ATP13A4: variants seen among roughly 807,000 people sequenced by gnomAD.
The protein encoded by ATP13A4 is probable cation-transporting ATPase 13A4.
In ATP13A4, 114 loss-of-function variants were observed where a neutral mutation model predicts 142.5. The ratio of observed to expected loss-of-function variants is 0.80; its 90% confidence interval spans 0.69 to 0.93. The LOEUF is 0.93. Among genes scored for constraint, ATP13A4 ranks in the 40% least tolerant of loss-of-function variants. The pLI, the probability that ATP13A4 is intolerant of heterozygous loss-of-function variation, is 0.00. For missense variants in ATP13A4, 1,392 were observed against 1,454.0 expected (o/e 0.96, Z 0.69); for synonymous variants, 488 against 514.8 (o/e 0.95, Z 0.70).
In ATP13A4 at chr3:193,418,070, C is replaced by T. The variant is rs865822448; in HGVS notation, c.2843-3320G>A. Among the ~76,000 whole-genome samples the T allele has an allele frequency of 2.9e-3, 323 of 112,306 alleles. 6 individuals are homozygous for T. Among genetic ancestry groups the T allele is most frequent in the Non-Finnish European group, 3.9e-3 (232 of 59,196 alleles). 73.7% of individuals were successfully genotyped at this position (112,306 alleles called of 152,430 possible). On this transcript the variant is annotated intron_variant, in intron 25 of 29. Transcript: ENST00000342695. ...CCGGGAGGCAGAGCTTGCAGTGAGC[C>T]GAGATCCCGCCACTGCACTCCAGCC... is the stretch of plus-strand genomic sequence containing the variant.
At chr3:193,585,178 G>A (rs1348821701) in intron 1 of ATP13A4, among the ~76,000 whole-genome samples, 1 of 152,170 alleles carries the variant, frequency 6.6e-6, no homozygotes, top group Non-Finnish European at 1.5e-5. Flanking sequence ...AGCACTTTGG[G>A]AGGCAAAGGT....
At chr3:193,417,801 G>C (rs964830161) in intron 25 of ATP13A4, among the ~76,000 whole-genome samples, 12 of 145,304 alleles carry the variant, frequency 8.3e-5, no homozygotes, top group Admixed American at 1.4e-4. Context: ...CTGGCTAACA[G>C]AGTGAAACCC....
intron 22 of ATP13A4, 139 bp downstream of exon 22, chr3:193,438,884 T>G: frequency 1.1e-6 from 1 of 943,876 alleles, no homozygotes; most frequent in Non-Finnish European, 1.7e-6. Flanking sequence ...GTAAATGGTA[T>G]ATATGCCAGG....
At chr3:193,459,740 A>C (rs2108638050) in intron 13 of ATP13A4, among the ~76,000 whole-genome samples, 1 of 152,326 alleles carries the variant, frequency 6.6e-6, no homozygotes, top group African/African-American at 2.4e-5. Context: ...TGCCCGGCTA[A>C]AAACATTTTT....
chr3:193,469,925 A>T (rs543876520), intron 9 of ATP13A4, among the ~76,000 whole-genome samples: 3 of 152,332 alleles, frequency 2.0e-5, no homozygotes, highest in Non-Finnish European at 2.9e-5. Context: ...GATTTTTATG[A>T]ATCTATGGGA....
At chr3:193,583,536 G>T (rs1489652283) in intron 1 of ATP13A4, among the ~76,000 whole-genome samples, 3 of 152,098 alleles carry the variant, frequency 2.0e-5, no homozygotes, top group Admixed American at 2.0e-4. Context: ...GATCTCATAT[G>T]CAGAGATGTA....
At chr3:193,480,541 T>C (rs146108055) in intron 8 of ATP13A4, among the ~76,000 whole-genome samples, 3,555 of 152,278 alleles carry the variant, frequency 0.023, 55 homozygotes, top group Middle Eastern at 0.034. Context: ...TCAGCATCAC[T>C]AATGATCAGG....
chr3:193,534,893 A>G (rs949141861), intron 1 of ATP13A4, among the ~76,000 whole-genome samples: 21 of 152,278 alleles, frequency 1.4e-4, no homozygotes, highest in African/African-American at 3.8e-4. Flanking sequence ...CCCAAACAGA[A>G]CAAACCTAAA....
chr3:193,452,648 C>G (rs1298893329), intron 17 of ATP13A4, among the ~76,000 whole-genome samples: 1 of 147,210 alleles, frequency 6.8e-6, no homozygotes, highest in African/African-American at 2.5e-5. Context: ...TCCTGCATCA[C>G]ACATGTCTTT....
rs1717692671 is a variant in ATP13A4, at chr3:193,457,424, C to A, written c.1716G>T (p.Val572=). Residue 572 remains valine (V), a synonymous_variant, in exon 15 of 30, where the codon GTG becomes GTT. Coordinates refer to ENST00000342695, the MANE Select transcript of ATP13A4 (RefSeq NM_032279.4). The stretch of plus-strand genomic sequence containing the variant: ...GCTTAACTACCATGGCATGTGCCGG[C>A]ACTCCCTTGATGTGGAAATCGTCCC... ...FSGDDFHIKG[V]PAHAMVVKPC... 6.2e-7 allele frequency: 1 copy of A among 1,614,190 alleles called. No individual in the cohort carries two copies. The highest frequency in any genetic ancestry group is 8.5e-7 in the Non-Finnish European group (1 of 1,180,020).
chr3:193,527,827 C>T (rs538996394), intron 1 of ATP13A4, among the ~76,000 whole-genome samples: 2 of 152,136 alleles, frequency 1.3e-5, no homozygotes, highest in South Asian at 4.2e-4. Context: ...ACTAATACAC[C>T]CTGTCTGGGC....
intron 26 of ATP13A4, 121 bp from the exon 27 acceptor site, chr3:193,412,492 C>A: frequency 3.0e-5 from 20 of 674,850 alleles, no homozygotes; most frequent in Middle Eastern, 4.4e-4. Context: ...TCTACAATTG[C>A]CTGTGCTTTG....
At chr3:193,420,921 C>T (rs936669044) in intron 25 of ATP13A4, among the ~76,000 whole-genome samples, 1 of 149,542 alleles carries the variant, frequency 6.7e-6, no homozygotes, top group Non-Finnish European at 1.5e-5. Context: ...ACTTACGAAA[C>T]ACCAGGAAAT....
At chr3:193,426,194 A>C (rs1715652303) in intron 25 of ATP13A4, among the ~76,000 whole-genome samples, 1 of 151,846 alleles carries the variant, frequency 6.6e-6, no homozygotes, top group Non-Finnish European at 1.5e-5. Flanking sequence ...GATCAACACA[A>C]AAACAATCAT....
chr3:193,414,079 A>G (rs1296947140), intron 26 of ATP13A4, among the ~76,000 whole-genome samples: 1 of 152,084 alleles, frequency 6.6e-6, no homozygotes, highest in South Asian at 2.1e-4. Flanking sequence ...CTTTCTCTTT[A>G]TTTCTCAGCC....
In ATP13A4 at chr3:193,407,340, C is replaced by A; in HGVS notation, c.3351G>T (p.Leu1117Phe). The A allele has an allele frequency of 6.2e-7, 1 of 1,613,538 alleles. No homozygotes were observed. Among genetic ancestry groups the A allele is most frequent in the Non-Finnish European group, 8.5e-7 (1 of 1,179,642 alleles). Residue 1117 changes from leucine to phenylalanine, a missense_variant, in exon 29 of 30, where the codon TTG becomes TTT. Physicochemically the swap from Leu to Phe is conservative, Grantham distance 22 (BLOSUM62 0). Transcript: ENST00000342695. ...WRASIVIMLS[L>F]NFIVSLVAEE... ...CGGCCACAAGGGACACAATGAAATT[C>A]AAGCTGAGCATGATGACAATGGAGG... is the stretch of plus-strand genomic sequence containing the variant.
In ATP13A4 at chr3:193,440,637, T is replaced by C; in HGVS notation, c.2440A>G (p.Ile814Val). Reference protein sequence around the residue: ...SQHFSSLLPKILINGTIFARM... With the variant: ...SQHFSSLLPKVLINGTIFARM... Reference sequence around the variant, plus strand: ...GCAAAGATGGTCCCATTGATCAATATCTGTAAGGAACCCAAAATGGAGATT... The same window carrying C: ...GCAAAGATGGTCCCATTGATCAATACCTGTAAGGAACCCAAAATGGAGATT... Residue 814 changes from isoleucine (I) to valine (V), a missense_variant and splice_region_variant, in exon 21 of 30, where the codon ATA becomes GTA. Transcript: ENST00000342695. 6.2e-7 allele frequency: 1 copy of C among 1,613,900 alleles called. No individual in the cohort carries two copies. The highest frequency in any genetic ancestry group is 8.5e-7 in the Non-Finnish European group (1 of 1,179,802).
At chr3:193,425,698 A>G (rs1295279063) in intron 25 of ATP13A4, among the ~76,000 whole-genome samples, 11 of 151,724 alleles carry the variant, frequency 7.3e-5, no homozygotes, top group Non-Finnish European at 1.6e-4. Context: ...TGGTTTCTTA[A>G]AGCTGGAAAG....
chr3:193,460,243 C>G (rs1398477793), intron 13 of ATP13A4, among the ~76,000 whole-genome samples: 2 of 152,210 alleles, frequency 1.3e-5, no homozygotes, highest in Non-Finnish European at 2.9e-5. Flanking sequence ...AGGCCTCCCT[C>G]TCACCTTCCT....
Sources: allele counts gnomAD v4.1 joint callset (sites outside exome capture counted in the v4.1 genomes callset), GRCh38; gene constraint gnomAD v4.1.1; transcripts MANE v1.5; gene names NCBI Gene and HGNC (gene_info 2026-07-23, HGNC 2026-07-21).